The following DERL2 variants were observed in gnomAD, a reference collection of about 807,000 sequenced individuals.
The protein encoded by DERL2 is derlin-2.
A neutral mutation model predicts 32.0 loss-of-function variants in DERL2; 13 were observed. That is an observed-to-expected ratio of 0.41 (90% CI 0.26 to 0.65). DERL2 has a LOEUF of 0.65. DERL2 is among the 30% of genes least tolerant of loss of function. The pLI, the probability that DERL2 is intolerant of heterozygous loss-of-function variation, is 0.35. For missense variants in DERL2, 208 were observed against 296.3 expected, an observed-to-expected ratio of 0.70 and a Z score of 2.19; for synonymous variants, 111 against 104.7, an observed-to-expected ratio of 1.06 and a Z score of -0.37.
upstream of DERL2, chr17:5,486,383 C>T (rs1857689908): frequency 4.0e-6 from 2 of 505,886 alleles, no homozygotes; most frequent in South Asian, 5.0e-5. Context: ...CATCTCCCCA[C>T]CCTCTCTTCT....
intron 6 of DERL2, among the ~76,000 whole-genome samples, chr17:5,475,529 G>T (rs562230481): frequency 6.6e-6 from 1 of 152,192 alleles, no homozygotes; most frequent in African/African-American, 2.4e-5. Flanking sequence ...AAAATGCTGG[G>T]ATTACAGGCA....
Position 5,474,891 on chromosome 17 carries a change from G to C in DERL2, c.615-102C>G, listed in dbSNP as rs1316372949. The C allele has an allele frequency of 2.2e-5, 14 of 639,446 alleles. No individual in the cohort carries two copies. The highest frequency in any genetic ancestry group is 3.4e-5 in the Non-Finnish European group (13 of 379,934). 39.6% of individuals were successfully genotyped at this position (639,446 alleles called of 1,614,324 possible). A position where few individuals can be genotyped will look rare whatever the true frequency, so the allele number is the denominator to read the frequency against. ...CCATAGGGTTTCCACCAATAGGTAA[G>C]CATTACACCTGCCTGCCAATTAAAC... On this transcript the variant is annotated intron_variant, in intron 6 of 6. Coordinates refer to ENST00000158771, the MANE Select transcript of DERL2 (RefSeq NM_016041.5). The surrounding 1 kb of genome is among the most constrained non-coding windows in gnomAD (Gnocchi z 4.3).
rs1905880965 is a variant in DERL2 at position 5,482,849 on chromosome 17, CA to C, written c.192del (p.Phe64LeufsTer12). 9 of 1,514,348 alleles carry C rather than the reference CA, an allele frequency of 5.9e-6. No individual in the cohort carries two copies. Among genetic ancestry groups the C allele is most frequent in the Admixed American group, 4.0e-5 (2 of 50,488 alleles). 93.8% of individuals were successfully genotyped at this position (1,514,348 alleles called of 1,614,324 possible). ...AATAAAAAATTGAATCCAACTGGCC[CA>C]AAAAATAAGAAGTTGGTGATTAATC... ...IWRLITNFLF[F>X]GPVGFNFLFN... On this transcript the variant is annotated frameshift_variant, in exon 3 of 7. Transcript: ENST00000158771. LOFTEE classifies it high-confidence loss of function.
Position 5,480,133 on chromosome 17 carries a change from C to A in DERL2, c.535G>T (p.Gly179Ter). The change falls in exon 6 of 7, where the codon GGA becomes TGA. Residue 179 changes from glycine (G) to a stop codon, truncating the protein, a stop_gained. Transcript: ENST00000158771. LOFTEE classifies it high-confidence loss of function. Reference sequence around the variant, plus strand: ...TCTTCCAAGAAAAAATATATGTGTCCAACTGCAATACCTAGAGTCAAGCAG... The same window carrying A: ...TCTTCCAAGAAAAAATATATGTGTCAAACTGCAATACCTAGAGTCAAGCAG... Reference protein sequence around the residue: ...IIVDLLGIAVGHIYFFLEDVF... With the variant: ...IIVDLLGIAV The A allele has an allele frequency of 6.2e-7, 1 of 1,601,920 alleles. No individual in the cohort carries two copies. The highest frequency in any genetic ancestry group is 1.1e-5 in the South Asian group (1 of 90,664).
chr17:5,486,037 GATA>G, intron 1 of DERL2, 29 bp downstream of exon 1: 1 of 1,595,826 alleles, frequency 6.3e-7, no homozygotes, highest in Non-Finnish European at 8.6e-7. Flanking sequence ...ATCCAGCCCA[GATA>G]ATGAGAAGGT....
In DERL2 at chr17:5,480,096, T is replaced by C. The variant is rs146273313; in HGVS notation, c.572A>G (p.Asn191Ser). The change falls in exon 6 of 7, where the codon AAT (asparagine) becomes AGT (serine). Residue 191 changes from asparagine to serine, a missense_variant. By Grantham distance (46) the Asn-to-Ser change is conservative. Transcript: ENST00000158771. ...IYFFLEDVFPNQPGGIRILKT... is the reference protein window; with the variant it reads ...IYFFLEDVFPSQPGGIRILKT... ...CAGAATTCTTATTCCACCAGGTTGA[T>C]TGGGAAATACATCTTCCAAGAAAAA... The C allele has an allele frequency of 1.6e-5, 26 of 1,610,846 alleles. No homozygotes were observed. Among genetic ancestry groups the C allele is most frequent in the African/African-American group, 8.0e-5 (6 of 74,854 alleles).
intron 2 of DERL2, among the ~76,000 whole-genome samples, chr17:5,484,012 C>T (rs1025842819): frequency 1.1e-4 from 17 of 151,240 alleles, no homozygotes; most frequent in East Asian, 3.8e-4. Context: ...GACAAGCATA[C>T]GCATAACTGC....
intron 5 of DERL2, 34 bp from the exon 6 acceptor site, chr17:5,480,178 G>A (rs776969312): frequency 6.2e-6 from 9 of 1,459,630 alleles, no homozygotes; most frequent in African/African-American, 5.7e-5. Flanking sequence ...ATGAGGGAGA[G>A]AATTAAAATT....
rs1187836403 is a variant in DERL2, at chr17:5,471,598, A to G, written c.*3086T>C. On this transcript the variant is annotated 3_prime_UTR_variant, in exon 7 of 7. Transcript: ENST00000158771. The stretch of plus-strand genomic sequence containing the variant: ...GTCCCTGTTAGGTAGAAGTGGGAGT[A>G]AAGTTAAGAAAAAAACAAGTATGCA... 2.0e-5 allele frequency: 3 copies of G among 152,234 alleles called. No individual in the cohort carries two copies. The highest frequency in any genetic ancestry group is 4.4e-5 in the Non-Finnish European group (3 of 68,048). The allele number at this position is 152,234 out of a possible 1,614,324, so 9.4% of individuals were successfully genotyped here. A position where few individuals can be genotyped will look rare whatever the true frequency, so the allele number is the denominator to read the frequency against.
intron 6 of DERL2, among the ~76,000 whole-genome samples, chr17:5,478,673 A>G (rs1476087975): frequency 1.3e-5 from 2 of 152,264 alleles, no homozygotes; most frequent in Non-Finnish European, 2.9e-5. Flanking sequence ...CTCCAATTAC[A>G]GAAGAGAAAA....
At position 5,474,841 on chromosome 17, in the gene DERL2, A is replaced by C; in HGVS notation, c.615-52T>G. On this transcript the variant is annotated intron_variant, in intron 6 of 6. Coordinates refer to ENST00000158771, the MANE Select transcript of DERL2 (RefSeq NM_016041.5). This position sits in a 1 kb window ranked among gnomAD's most constrained non-coding sequence, Gnocchi z 4.3. The stretch of plus-strand genomic sequence containing the variant: ...TGGTCCCAGAGTCATCTCAGGTCCA[A>C]AGTACTACAAGGTCAGTTCAGGCCC... 6.9e-7 allele frequency: 1 copy of C among 1,443,216 alleles called. No individual in the cohort carries two copies. The highest frequency in any genetic ancestry group is 9.7e-7 in the Non-Finnish European group (1 of 1,033,056). The allele number at this position is 1,443,216 out of a possible 1,614,324, so 89.4% of individuals were successfully genotyped here. A position where few individuals can be genotyped will look rare whatever the true frequency, so the allele number is the denominator to read the frequency against.
chr17:5,476,208 C>G (rs1905369343), intron 6 of DERL2, among the ~76,000 whole-genome samples: 1 of 152,126 alleles, frequency 6.6e-6, no homozygotes, highest in Non-Finnish European at 1.5e-5. Context: ...AAGAAGGAAC[C>G]ATTAAAGCAG....
intron 6 of DERL2, chr17:5,478,101 C>T (rs1905506377): frequency 6.6e-6 from 1 of 152,260 alleles, no homozygotes; most frequent in South Asian, 2.1e-4. Flanking sequence ...GTGGCTCACA[C>T]CTGTAATCTC....
At chr17:5,476,397 A>G (rs1204338805) in intron 6 of DERL2, among the ~76,000 whole-genome samples, 1 of 152,244 alleles carries the variant, frequency 6.6e-6, no homozygotes, top group Non-Finnish European at 1.5e-5. Flanking sequence ...AAATGGGCAA[A>G]GGGCTGAATA....
At chr17:5,478,189 C>A (rs961028223) in intron 6 of DERL2, among the ~76,000 whole-genome samples, 2 of 152,092 alleles carry the variant, frequency 1.3e-5, no homozygotes, top group African/African-American at 4.8e-5. Flanking sequence ...CATAGAGAGA[C>A]CTTGTCTCCA....
At position 5,475,543 on chromosome 17, in the gene DERL2, G is replaced by C. The variant is rs527406954; in HGVS notation, c.615-754C>G. Among the ~76,000 whole-genome samples the C allele has an allele frequency of 3.3e-5, 5 of 152,216 alleles. No individual in the cohort carries two copies. The East Asian group carries it at 9.7e-4, about 30-fold the overall frequency. ...CAAAATGCTGGGATTACAGGCATGA[G>C]CCACTGCACCTAGTCAACATGGTGA... On this transcript the variant is annotated intron_variant, in intron 6 of 6. Transcript: ENST00000158771.
intron 6 of DERL2, among the ~76,000 whole-genome samples, chr17:5,476,757 G>A (rs764093264): frequency 1.3e-5 from 2 of 152,164 alleles, no homozygotes; most frequent in African/African-American, 4.8e-5. Context: ...CTCAAGCCTG[G>A]GTGACAGAGC....
chr17:5,474,600 C>A lies in DERL2; in HGVS notation c.*84G>T, dbSNP rs1305244878. The A allele has an allele frequency of 1.2e-5, 13 of 1,065,352 alleles. No homozygotes were observed. The highest frequency in any genetic ancestry group is 1.6e-5 in the Non-Finnish European group (12 of 727,340). 66.0% of individuals were successfully genotyped at this position (1,065,352 alleles called of 1,614,324 possible). Reference sequence around the variant, plus strand: ...AATCTGCCAAGCTGTCAAAAGTGTCCACACTTTTGCAACAAAGGATAAAAG... The same window carrying A: ...AATCTGCCAAGCTGTCAAAAGTGTCAACACTTTTGCAACAAAGGATAAAAG... On this transcript the variant is annotated 3_prime_UTR_variant, in exon 7 of 7. Coordinates refer to ENST00000158771, the MANE Select transcript of DERL2 (RefSeq NM_016041.5). This position sits in a 1 kb window ranked among gnomAD's most constrained non-coding sequence, Gnocchi z 4.3.
chr17:5,479,996 A>G, intron 6 of DERL2, 58 bp downstream of exon 6: 1 of 1,097,652 alleles, frequency 9.1e-7, no homozygotes, highest in Non-Finnish European at 1.4e-6. Flanking sequence ...GAAAACACAG[A>G]TCATGCCCCT....
Sources: allele counts gnomAD v4.1 joint callset (sites outside exome capture counted in the v4.1 genomes callset), GRCh38; gene constraint gnomAD v4.1.1; non-coding constraint Gnocchi (gnomAD v3.1); transcripts MANE v1.5; gene names NCBI Gene and HGNC (gene_info 2026-07-23, HGNC 2026-07-21).